Variants in UBA6 observed in about 807,000 individuals in gnomAD.
UBA6 encodes ubiquitin-like modifier-activating enzyme 6.
In UBA6, 87 loss-of-function variants were observed where a neutral mutation model predicts 148.3. That is an observed-to-expected ratio of 0.59 (90% CI 0.49 to 0.70). The LOEUF is 0.70. UBA6 is among the 30% of genes least tolerant of loss of function. UBA6 has a pLI of 0.00. For missense variants in UBA6, 1,186 were observed against 1,241.2 expected (o/e 0.96, Z 0.67); for synonymous variants, 376 against 401.0 (o/e 0.94, Z 0.75).
intron 10 of UBA6, 61 bp from the exon 11 acceptor site, chr4:67,664,008 CTGTTACA>C: frequency 7.4e-7 from 1 of 1,349,590 alleles, no homozygotes; most frequent in South Asian, 1.2e-5. Context: ...ACAAAATATA[CTGTTACA>C]TGTCAGTGCG....
chr4:67,620,819 G>GATCATCTCCAAGGCAACC (rs1728734627), intron 32 of UBA6, among the ~76,000 whole-genome samples: 1 of 152,058 alleles, frequency 6.6e-6, no homozygotes, highest in Non-Finnish European at 1.5e-5. Flanking sequence ...TTGTGGATTT[G>GATCATCTCCAAGGCAACC]TAGCTTTTTG....
At position 67,635,509 on chromosome 4, in the gene UBA6, T is replaced by G. The variant is rs1007342103; in HGVS notation, c.1786A>C (p.Thr596Pro). ...RPLLDSGTMG[T>P]KGHTEVIVPH... ...ACAATAACTTCAGTGTGTCCCTTAG[T>G]GCCCATTGTTCCAGAATCTAAAAGA... is the stretch of plus-strand genomic sequence containing the variant. Residue 596 changes from threonine to proline, a missense_variant, in exon 20 of 33, where the codon ACT (threonine) becomes CCT (proline). Thr to Pro is a conservative substitution (Grantham distance 38, BLOSUM62 -1). Coordinates refer to ENST00000322244, the MANE Select transcript of UBA6 (RefSeq NM_018227.6). 10 of 1,613,042 alleles carry G rather than the reference T, an allele frequency of 6.2e-6. No individual in the cohort carries two copies. The Admixed American group carries it at 1.2e-4, about 19-fold the overall frequency.
At chr4:67,678,671 A>AT in intron 4 of UBA6, 138 bp from the exon 5 acceptor site, 1 of 442,798 alleles carries the variant, frequency 2.3e-6, no homozygotes. Flanking sequence ...AAGAATTAAA[A>AT]TATGTAAAGA....
intron 20 of UBA6, 130 bp from the exon 21 acceptor site, chr4:67,634,648 T>C (rs551561846): frequency 1.4e-5 from 8 of 580,316 alleles, no homozygotes; most frequent in Non-Finnish European, 2.3e-5. Flanking sequence ...GACATTTTTA[T>C]ATCTTCTCTC....
intron 22 of UBA6, 108 bp downstream of exon 22, chr4:67,634,134 A>T: frequency 1.5e-6 from 1 of 674,516 alleles, no homozygotes; most frequent in Non-Finnish European, 2.4e-6. Flanking sequence ...CATTTTTTAT[A>T]TACAATCACT....
chr4:67,681,398 G>T (rs1193218727), intron 4 of UBA6, among the ~76,000 whole-genome samples, 165 bp downstream of exon 4: 3 of 151,658 alleles, frequency 2.0e-5, no homozygotes, highest in Non-Finnish European at 2.9e-5. Flanking sequence ...GTGGGGTTTT[G>T]TTACACAATT....
intron 7 of UBA6, among the ~76,000 whole-genome samples, chr4:67,673,033 T>C (rs1169538764): frequency 6.6e-6 from 1 of 152,200 alleles, no homozygotes; most frequent in Non-Finnish European, 1.5e-5. Flanking sequence ...GTAATTTTCA[T>C]GAGTAAAAAA....
Position 67,682,191 on chromosome 4 carries a change from C to G in UBA6, c.157G>C (p.Asp53His), listed in dbSNP as rs758856607. Reference protein sequence around the residue: ...LYSRQRYVLGDTAMQKMAKSH... With the variant: ...LYSRQRYVLGHTAMQKMAKSH... ...TTGGCCATCTTCTGCATTGCTGTGT[C>G]TCCAAGAACGTACCTCTGTCGACTA... Residue 53 changes from aspartate (D) to histidine (H), a missense_variant, in exon 3 of 33, where the codon GAC becomes CAC. By Grantham distance (81) the Asp-to-His change is moderately conservative (BLOSUM62 -1). Coordinates refer to ENST00000322244, the MANE Select transcript of UBA6 (RefSeq NM_018227.6). 2 of 1,613,714 alleles carry G rather than the reference C, an allele frequency of 1.2e-6. No individual in the cohort carries two copies. The highest frequency in any genetic ancestry group is 1.7e-6 in the Non-Finnish European group (2 of 1,179,806).
intron 13 of UBA6, among the ~76,000 whole-genome samples, chr4:67,652,042 T>C (rs1729565360): frequency 6.6e-6 from 1 of 152,170 alleles, no homozygotes; most frequent in Non-Finnish European, 1.5e-5. Flanking sequence ...AAAATGAACT[T>C]ATAAAATTAC....
In UBA6 at chr4:67,614,277, G is replaced by GT. The variant is rs1560472680; in HGVS notation, c.*4719dup. The GT allele has an allele frequency of 6.6e-6, 1 of 152,152 alleles. No individual in the cohort carries two copies. The highest frequency in any genetic ancestry group is 1.9e-4 in the East Asian group (1 of 5,196). The allele number at this position is 152,152 out of a possible 1,614,324, so 9.4% of individuals were successfully genotyped here. ...AACCAAACCAATGCATTTCTTAAAC[G>GT]TATTTGATGTCTCATGCCTTCTATA... On this transcript the variant is annotated 3_prime_UTR_variant, in exon 33 of 33. Coordinates refer to ENST00000322244, the MANE Select transcript of UBA6 (RefSeq NM_018227.6).
At chr4:67,699,191 G>A (rs1244228500) in intron 1 of UBA6, among the ~76,000 whole-genome samples, 2 of 152,152 alleles carry the variant, frequency 1.3e-5, no homozygotes, top group African/African-American at 2.4e-5. Flanking sequence ...GGAGCATTTG[G>A]AGCTGAACCA....
chr4:67,690,883 T>C (rs963166524), intron 2 of UBA6, among the ~76,000 whole-genome samples: 1 of 152,126 alleles, frequency 6.6e-6, no homozygotes, highest in Non-Finnish European at 1.5e-5. Flanking sequence ...TGGAAAACAG[T>C]ATGAAGCTTC....
In UBA6 at chr4:67,701,148, T is replaced by C. The variant is rs761833518; in HGVS notation, c.-29A>G. ...CGCCTGAGACACCGCCGCCGGCTAC[T>C]GGAAGGTAGGAAGGGGCGGGACCGT... On this transcript the variant is annotated 5_prime_UTR_variant, in exon 1 of 33. Coordinates refer to ENST00000322244, the MANE Select transcript of UBA6 (RefSeq NM_018227.6). 8 of 1,602,314 alleles carry C rather than the reference T, an allele frequency of 5.0e-6. No individual in the cohort carries two copies. The highest frequency in any genetic ancestry group is 2.2e-5 in the South Asian group (2 of 90,786).
At chr4:67,700,074 GA>G (rs2109965497) in intron 1 of UBA6, among the ~76,000 whole-genome samples, 1 of 152,292 alleles carries the variant, frequency 6.6e-6, no homozygotes, top group Admixed American at 6.5e-5. Context: ...GCCCTTTTCA[GA>G]AAGTTGTGCC....
chr4:67,692,453 C>A (rs553580759), intron 2 of UBA6, among the ~76,000 whole-genome samples: 52 of 152,092 alleles, frequency 3.4e-4, no homozygotes, highest in Non-Finnish European at 6.6e-4. Context: ...ATCAGGACTG[C>A]CCTTACATAT....
chr4:67,673,877 C>T, intron 6 of UBA6, 100 bp from the exon 7 acceptor site: 3 of 657,542 alleles, frequency 4.6e-6, no homozygotes, highest in Non-Finnish European at 7.5e-6. Context: ...GCTAAAGACA[C>T]ATCGCTAATC....
chr4:67,669,713 A>T (rs1377347142), intron 8 of UBA6, among the ~76,000 whole-genome samples: 2 of 152,146 alleles, frequency 1.3e-5, no homozygotes, highest in African/African-American at 4.8e-5. Context: ...CCTTCTAAAT[A>T]ATGCTTTAGA....
rs780237133 is a variant in UBA6, at chr4:67,663,821, ATCAC to A, written c.960+60_960+63del. 4.5e-5 allele frequency: 61 copies of A among 1,369,324 alleles called. 2 individuals carry two copies. The South Asian group carries it at 7.0e-4, about 16-fold the overall frequency. The allele number at this position is 1,369,324 out of a possible 1,614,324, so 84.8% of individuals were successfully genotyped here. ...ATGGTTATTCCATTTTAACTTCATA[ATCAC>A]TCACTAATTCTCATCTCTGATTCTG... On this transcript the variant is annotated intron_variant, in intron 11 of 32. Coordinates refer to ENST00000322244, the MANE Select transcript of UBA6 (RefSeq NM_018227.6).
At chr4:67,663,062 T>A (rs1729903689) in intron 12 of UBA6, 77 bp downstream of exon 12, 2 of 1,033,994 alleles carry the variant, frequency 1.9e-6, no homozygotes, top group East Asian at 5.2e-5. Context: ...AAGGGCATAG[T>A]TACTTTTTAA....
Sources: allele counts gnomAD v4.1 joint callset (sites outside exome capture counted in the v4.1 genomes callset), GRCh38; gene constraint gnomAD v4.1.1; transcripts MANE v1.5; gene names NCBI Gene and HGNC (gene_info 2026-07-23, HGNC 2026-07-21).